Variants in KCNH7 observed in about 807,000 individuals in gnomAD.
The protein encoded by KCNH7 is potassium voltage-gated channel subfamily H member 7, also known as voltage-gated inwardly rectifying potassium channel KCNH7.
A neutral mutation model predicts 120.8 loss-of-function variants in KCNH7; 49 were observed. That is an observed-to-expected ratio of 0.41 (90% CI 0.32 to 0.51). KCNH7 has a LOEUF of 0.51. Ranked by LOEUF, KCNH7 falls within the 20% of genes least tolerant of loss-of-function variation. KCNH7 has a pLI of 0.38. For missense variants in KCNH7, 1,097 were observed against 1,446.6 expected (o/e 0.76, Z 3.92); for synonymous variants, 547 against 516.1 (o/e 1.06, Z -0.81).
At position 162,635,215 on chromosome 2, in the gene KCNH7, A is replaced by T. The variant is rs549731926; in HGVS notation, c.308-98135T>A. On this transcript the variant is annotated intron_variant, in intron 2 of 15. Coordinates refer to ENST00000332142, the MANE Select transcript of KCNH7 (RefSeq NM_033272.4). Reference sequence around the variant, plus strand: ...AATTTCAATTCTCAGCAAATATTTAATGTATGCCAGGATATGAGCTAGACA... The same window carrying T: ...AATTTCAATTCTCAGCAAATATTTATTGTATGCCAGGATATGAGCTAGACA... 2.0e-5 allele frequency among the ~76,000 whole-genome samples: 3 copies of T among 152,226 alleles called. No homozygotes were observed. The East Asian group carries it at 5.8e-4, about 29-fold the overall frequency.
intron 2 of KCNH7, among the ~76,000 whole-genome samples, chr2:162,634,169 G>T (rs1040303498): frequency 1.3e-5 from 2 of 151,930 alleles, no homozygotes; most frequent in Non-Finnish European, 2.9e-5. Flanking sequence ...TCCTTTAGCA[G>T]CAGCAGTAAA....
chr2:162,654,024 T>C (rs1035118833), intron 2 of KCNH7, among the ~76,000 whole-genome samples: 1 of 151,304 alleles, frequency 6.6e-6, no homozygotes, highest in Non-Finnish European at 1.5e-5. Context: ...AGTTCTAAGA[T>C]CTGGAACTCT....
rs186870424 is a variant in KCNH7 at position 162,713,995 on chromosome 2, G to A, written c.307+122542C>T. On this transcript the variant is annotated intron_variant, in intron 2 of 15. Transcript: ENST00000332142. The stretch of plus-strand genomic sequence containing the variant: ...AACTCCTGAAATCAGGTGATCCACC[G>A]CCTCGGCCTCCCAAAGTGCTGGGAT... Among the ~76,000 whole-genome samples the A allele has an allele frequency of 5.3e-5, 8 of 152,212 alleles. No individual in the cohort carries two copies. In the East Asian group the frequency reaches 1.2e-3, roughly 22 times the overall value.
chr2:162,608,578 T>C (rs144791125), intron 2 of KCNH7, among the ~76,000 whole-genome samples: 67 of 152,274 alleles, frequency 4.4e-4, no homozygotes, highest in Middle Eastern at 3.4e-3. Flanking sequence ...GCAAATTTTG[T>C]CCAGTGAATC....
At chr2:162,568,465 C>G (rs1693336895) in intron 2 of KCNH7, among the ~76,000 whole-genome samples, 1 of 152,004 alleles carries the variant, frequency 6.6e-6, no homozygotes, top group African/African-American at 2.4e-5. Context: ...TGACACATTT[C>G]TCAGAAAATA....
At chr2:162,551,179 CAGAA>C (rs1362863727) in intron 2 of KCNH7, among the ~76,000 whole-genome samples, 1 of 152,048 alleles carries the variant, frequency 6.6e-6, no homozygotes, top group Non-Finnish European at 1.5e-5. Context: ...TTCTTAATGA[CAGAA>C]AGTAAAACAA....
At chr2:162,393,388 G>A (rs1234721465) in intron 12 of KCNH7, among the ~76,000 whole-genome samples, 1 of 151,940 alleles carries the variant, frequency 6.6e-6, no homozygotes, top group East Asian at 1.9e-4. Flanking sequence ...ATACTTAAAT[G>A]ATGGGCATAA....
At chr2:162,721,701 AT>A (rs1483976198) in intron 2 of KCNH7, among the ~76,000 whole-genome samples, 3 of 152,116 alleles carry the variant, frequency 2.0e-5, no homozygotes, top group East Asian at 1.9e-4. Context: ...CTCTAAGTAA[AT>A]TTTTTACACC....
At chr2:162,806,153 T>C (rs767250921) in intron 2 of KCNH7, among the ~76,000 whole-genome samples, 1 of 152,086 alleles carries the variant, frequency 6.6e-6, no homozygotes, top group African/African-American at 2.4e-5. Context: ...ACTTGGGTAA[T>C]AGGTGCACTA....
At chr2:162,699,739 G>A (rs745737504) in intron 2 of KCNH7, among the ~76,000 whole-genome samples, 1 of 152,008 alleles carries the variant, frequency 6.6e-6, no homozygotes, top group Non-Finnish European at 1.5e-5. Flanking sequence ...TAACTTAAAG[G>A]ACAGCTTTTC....
At chr2:162,482,993 C>G (rs1405270302) in intron 6 of KCNH7, among the ~76,000 whole-genome samples, 1 of 152,010 alleles carries the variant, frequency 6.6e-6, no homozygotes, top group Admixed American at 6.6e-5. Context: ...TAATTATATT[C>G]TGGATTTATT....
chr2:162,461,999 A>C (rs915351246), intron 6 of KCNH7, among the ~76,000 whole-genome samples: 2 of 152,130 alleles, frequency 1.3e-5, no homozygotes, highest in Non-Finnish European at 2.9e-5. Flanking sequence ...TTAAAATTTG[A>C]GTATACTTTC....
intron 2 of KCNH7, among the ~76,000 whole-genome samples, chr2:162,666,365 C>G (rs144715672): frequency 1.3e-5 from 2 of 150,986 alleles, no homozygotes; most frequent in African/African-American, 4.9e-5. Flanking sequence ...TTCTGCCCCC[C>G]GCCCCTCCCC....
chr2:162,523,160 T>C (rs777389105), intron 3 of KCNH7, among the ~76,000 whole-genome samples: 3 of 151,872 alleles, frequency 2.0e-5, no homozygotes, highest in Non-Finnish European at 4.4e-5. Context: ...CAAGGTTTGG[T>C]GTTTTCTTGG....
intron 6 of KCNH7, among the ~76,000 whole-genome samples, chr2:162,461,716 TGG>T (rs1449089881): frequency 1.3e-5 from 2 of 152,158 alleles, no homozygotes; most frequent in Non-Finnish European, 2.9e-5. Context: ...ACGTACAAAG[TGG>T]TATTTTAGGA....
chr2:162,458,104 CGTGTGTGTGTGTGTGTGT>C (rs139079136), intron 6 of KCNH7, among the ~76,000 whole-genome samples: 1 of 130,888 alleles, frequency 7.6e-6, no homozygotes. Context: ...TGGCTATGTG[CGTGTGTGTGTGTGTGTGT>C]GTGTGTGTGT....
intron 3 of KCNH7, among the ~76,000 whole-genome samples, chr2:162,520,610 A>G (rs890461524): frequency 1.3e-4 from 19 of 151,808 alleles, no homozygotes; most frequent in Admixed American, 1.0e-3. Flanking sequence ...AAAAAACAAC[A>G]ACAACAAAAA....
chr2:162,576,804 G>A (rs972715850), intron 2 of KCNH7, among the ~76,000 whole-genome samples: 3 of 151,888 alleles, frequency 2.0e-5, no homozygotes, highest in Non-Finnish European at 4.4e-5. Context: ...AGAAAGGAAA[G>A]GTAAGTTTTT....
At chr2:162,576,241 A>G (rs753106919) in intron 2 of KCNH7, among the ~76,000 whole-genome samples, 15 of 152,036 alleles carry the variant, frequency 9.9e-5, no homozygotes, top group Non-Finnish European at 2.2e-4. Context: ...CTTTGACACT[A>G]TTTGAGGCTA....
Sources: allele counts gnomAD v4.1 joint callset (sites outside exome capture counted in the v4.1 genomes callset), GRCh38; gene constraint gnomAD v4.1.1; transcripts MANE v1.5; gene names NCBI Gene and HGNC (gene_info 2026-07-23, HGNC 2026-07-21).